SERINC5: variants seen among roughly 807,000 people sequenced by gnomAD.
The protein encoded by SERINC5 is chromosome 5 open reading frame 12.
A neutral mutation model predicts 63.1 loss-of-function variants in SERINC5; 41 were observed. The ratio of observed to expected loss-of-function variants is 0.65; its 90% CI spans 0.51 to 0.84. The LOEUF is 0.84. SERINC5 is among the 40% of genes least tolerant of loss of function. The probability of loss-of-function intolerance (pLI) is 0.00; values close to 1 mark genes in which losing one functional copy is unlikely to be tolerated. For missense variants in SERINC5, 523 were observed against 573.0 expected (o/e 0.91, Z 0.89); for synonymous variants, 222 against 215.2 (o/e 1.03, Z -0.28).
At chr5:80,133,856 G>A (rs1039916908), downstream of SERINC5, among the ~76,000 whole-genome samples, 9 of 152,174 alleles carry the variant, frequency 5.9e-5, no homozygotes, top group Non-Finnish European at 1.2e-4. Flanking sequence ...AGAAAGTGGG[G>A]ACTACTGATT....
intron 2 of SERINC5, among the ~76,000 whole-genome samples, chr5:80,185,644 G>A (rs1390845110): frequency 6.6e-6 from 1 of 152,032 alleles, no homozygotes; most frequent in Non-Finnish European, 1.5e-5. Flanking sequence ...TATAAGATTT[G>A]GGCAGGTAAA....
At position 80,125,169 on chromosome 5, in the gene SERINC5, C is replaced by T. The variant is rs1024098357; in HGVS notation, c.1239-11544G>A. Among the ~76,000 whole-genome samples the T allele has an allele frequency of 2.0e-5, 3 of 152,304 alleles. No homozygotes were observed. In the East Asian group the frequency reaches 5.8e-4, roughly 29 times the overall value. ...TATAGCAAACAATTGTACATCACAACCTTATGCTAGGTGCTAGGTATACAA... is the reference window on the plus strand; with the variant it reads ...TATAGCAAACAATTGTACATCACAATCTTATGCTAGGTGCTAGGTATACAA... On this transcript the variant is annotated intron_variant, in intron 11 of 12. Transcript: ENST00000509193.
At chr5:80,150,344 A>G (rs1746093844) in intron 9 of SERINC5, among the ~76,000 whole-genome samples, 1 of 152,228 alleles carries the variant, frequency 6.6e-6, no homozygotes, top group Admixed American at 6.5e-5. Flanking sequence ...ATGCCACCCA[A>G]GAGGCCAGCT....
chr5:80,189,502 G>GC (rs1749049915), intron 2 of SERINC5, among the ~76,000 whole-genome samples: 1 of 152,150 alleles, frequency 6.6e-6, no homozygotes, highest in East Asian at 1.9e-4. Flanking sequence ...TACGGCTATG[G>GC]CCCCACACAG....
chr5:80,202,841 C>T lies in SERINC5; in HGVS notation c.195+45G>A, dbSNP rs569256281. 5.1e-6 allele frequency: 8 copies of T among 1,564,506 alleles called. No individual in the cohort carries two copies. In the South Asian group the frequency reaches 9.3e-5, roughly 18 times the overall value. ...AAATCATGTTTTTCCCACACACCCT[C>T]ATCAAACATCGGAAATAGGACGAGC... On this transcript the variant is annotated intron_variant, in intron 2 of 11. Coordinates refer to ENST00000507668, the MANE Select transcript of SERINC5 (RefSeq NM_001174072.3).
chr5:80,220,051 T>C (rs999418362), intron 1 of SERINC5, among the ~76,000 whole-genome samples: 1 of 151,668 alleles, frequency 6.6e-6, no homozygotes, highest in Non-Finnish European at 1.5e-5. Flanking sequence ...CTACTAAAAA[T>C]ACAAAAAACT....
In SERINC5 at chr5:80,153,623, T is replaced by C. The variant is rs745956765; in HGVS notation, c.987-2675A>G. 1.7e-4 allele frequency among the ~76,000 whole-genome samples: 26 copies of C among 152,222 alleles called. 1 individual carries two copies. Among genetic ancestry groups the C allele is most frequent in the East Asian group, 1.9e-4 (1 of 5,184 alleles). On this transcript the variant is annotated intron_variant, in intron 8 of 11. Coordinates refer to ENST00000507668, the MANE Select transcript of SERINC5 (RefSeq NM_001174072.3). ...AGCCTTACCTCTTCCTGTGCTAAGA[T>C]AGGTGTGACTTTAACCCAGTATTTC...
At chr5:80,207,139 C>T (rs545167530) in intron 1 of SERINC5, among the ~76,000 whole-genome samples, 1 of 152,124 alleles carries the variant, frequency 6.6e-6, no homozygotes, top group Non-Finnish European at 1.5e-5. Flanking sequence ...GCTGGGACTA[C>T]AGGCGCCCGC....
chr5:80,171,827 G>A (rs1747680084), intron 5 of SERINC5, among the ~76,000 whole-genome samples: 1 of 152,052 alleles, frequency 6.6e-6, no homozygotes, highest in South Asian at 2.1e-4. Context: ...GCTGCAGTGA[G>A]CTATGACTGC....
intron 1 of SERINC5, among the ~76,000 whole-genome samples, chr5:80,208,386 A>C (rs1213445304): frequency 1.4e-5 from 2 of 145,194 alleles, no homozygotes; most frequent in Non-Finnish European, 3.0e-5. Context: ...AAAAAAAAAA[A>C]CCTAAGCCTA....
intron 1 of SERINC5, among the ~76,000 whole-genome samples, chr5:80,212,623 TAGAC>T (rs1263312846): frequency 7.6e-6 from 1 of 131,904 alleles, no homozygotes; most frequent in Admixed American, 8.3e-5. Flanking sequence ...CCACTGAGCT[TAGAC>T]AGACCTTTCT....
chr5:80,134,775 GGTTA>G (rs1442967558), downstream of SERINC5, among the ~76,000 whole-genome samples: 6 of 152,168 alleles, frequency 3.9e-5, no homozygotes, highest in South Asian at 2.1e-4. Context: ...AAACCCTCAT[GGTTA>G]GTTAGACAAA....
intron 10 of SERINC5, 78 bp downstream of exon 10, chr5:80,147,167 G>T: frequency 7.6e-7 from 1 of 1,317,858 alleles, no homozygotes; most frequent in Non-Finnish European, 1.1e-6. Context: ...ATTTGTGTCT[G>T]AATCCCAAAT....
At position 80,229,050 on chromosome 5, in the gene SERINC5, T is replaced by TGGGGTGGG. The variant is rs1174325559; in HGVS notation, c.28-25998_28-25997insCCCACCCC. The stretch of plus-strand genomic sequence containing the variant: ...TTTTTTTTTTTTTTTTTTTTTTTTT[T>TGGGGTGGG]GGGGATGGAGTTGCCTAGGCTGGAG... On this transcript the variant is annotated intron_variant, in intron 1 of 11. Transcript: ENST00000507668. Among the ~76,000 whole-genome samples the TGGGGTGGG allele has an allele frequency of 2.1e-5, 2 of 94,104 alleles. 1 individual carries two copies. Among genetic ancestry groups the TGGGGTGGG allele is most frequent in the Non-Finnish European group, 4.3e-5 (2 of 46,824 alleles). The allele number at this position is 94,104 out of a possible 152,430, so 61.7% of individuals were successfully genotyped here. A position where few individuals can be genotyped will look rare whatever the true frequency, so the allele number is the denominator to read the frequency against.
chr5:80,177,580 G>T lies in SERINC5; in HGVS notation c.375-183C>A, dbSNP rs542461212. Among the ~76,000 whole-genome samples, 22 of 152,318 alleles carry T rather than the reference G, an allele frequency of 1.4e-4. No individual in the cohort carries two copies. The South Asian group carries it at 4.6e-3, about 32-fold the overall frequency. The stretch of plus-strand genomic sequence containing the variant: ...TTTTTCCCATAATTAGGCAGACTCA[G>T]TGCAGCCTCCAGTTGTGCAAAACAC... On this transcript the variant is annotated intron_variant, in intron 3 of 11. Coordinates refer to ENST00000507668, the MANE Select transcript of SERINC5 (RefSeq NM_001174072.3).
intron 11 of SERINC5, among the ~76,000 whole-genome samples, chr5:80,129,929 C>G (rs1744876388): frequency 6.6e-6 from 1 of 152,204 alleles, no homozygotes; most frequent in South Asian, 2.1e-4. Flanking sequence ...CCACAACATA[C>G]AAAATGCAGT....
At chr5:80,162,658 G>T (rs1747017924) in intron 7 of SERINC5, among the ~76,000 whole-genome samples, 2 of 152,176 alleles carry the variant, frequency 1.3e-5, no homozygotes, top group African/African-American at 4.8e-5. Context: ...ACAGGGATGT[G>T]AAACTACACA....
At chr5:80,207,495 A>C (rs965040407) in intron 1 of SERINC5, among the ~76,000 whole-genome samples, 4 of 152,250 alleles carry the variant, frequency 2.6e-5, no homozygotes, top group Non-Finnish European at 5.9e-5. Context: ...ATTGGAACTG[A>C]TCATCTAAAG....
In SERINC5 at chr5:80,196,378, G is replaced by A. The variant is rs114468514; in HGVS notation, c.195+6508C>T. ...TGTACCATTAAGTGTTGGTGAGGGT[G>A]TGGAGAAATGTGAACCTTAATACAT... is the stretch of plus-strand genomic sequence containing the variant. On this transcript the variant is annotated intron_variant, in intron 2 of 11. Coordinates refer to ENST00000507668, the MANE Select transcript of SERINC5 (RefSeq NM_001174072.3). Among the ~76,000 whole-genome samples, 1,425 of 152,276 alleles carry A rather than the reference G, an allele frequency of 9.4e-3. 23 individuals are homozygous for A. Among genetic ancestry groups the A allele is most frequent in the African/African-American group, 0.031 (1,308 of 41,542 alleles).
Sources: allele counts gnomAD v4.1 joint callset (sites outside exome capture counted in the v4.1 genomes callset), GRCh38; gene constraint gnomAD v4.1.1; transcripts MANE v1.5; gene names NCBI Gene and HGNC (gene_info 2026-07-23, HGNC 2026-07-21).